Variants in C2orf69 observed in about 807,000 individuals in gnomAD.
The protein encoded by C2orf69 is chromosome 2 open reading frame 69.
Under a neutral mutation model 29.5 loss-of-function variants are expected in C2orf69, and 19 were observed. The ratio of observed to expected loss-of-function variants is 0.65; its 90% confidence interval spans 0.45 to 0.95. The LOEUF (loss-of-function observed/expected upper bound fraction) is 0.95. Among genes scored for constraint, C2orf69 ranks in the 40% least tolerant of loss-of-function variants. C2orf69 has a pLI of 0.00. For missense variants in C2orf69, 416 were observed against 482.1 expected, an observed-to-expected ratio of 0.86 and a Z score of 1.28; for synonymous variants, 194 against 180.0, an observed-to-expected ratio of 1.08 and a Z score of -0.62.
In C2orf69 at chr2:199,911,693, C is replaced by T. The variant is rs2077261777; in HGVS notation, c.255C>T (p.Asp85=). 1 of 1,546,312 alleles carries T rather than the reference C, an allele frequency of 6.5e-7. No homozygotes were observed. The highest frequency in any genetic ancestry group is 8.7e-7 in the Non-Finnish European group (1 of 1,146,898). The part of the protein sequence containing the change: ...AAAGEGLERQ[D]LPGDPAKEEP... Reference sequence around the variant, plus strand: ...CCGGGGAGGGACTGGAGCGGCAGGACCTCCCCGGGGACCCAGCGAAGGAGG... The same window carrying T: ...CCGGGGAGGGACTGGAGCGGCAGGATCTCCCCGGGGACCCAGCGAAGGAGG... The change falls in exon 1 of 2, where the codon GAC becomes GAT. Residue 85 remains aspartate, a synonymous_variant. Coordinates refer to ENST00000319974, the MANE Select transcript of C2orf69 (RefSeq NM_153689.6).
chr2:199,913,209 T>G (rs1172103770), intron 1 of C2orf69, among the ~76,000 whole-genome samples: 1 of 88,516 alleles, frequency 1.1e-5, no homozygotes, highest in Non-Finnish European at 2.1e-5. Flanking sequence ...TAATATATAA[T>G]ATATTATATA....
intron 1 of C2orf69, among the ~76,000 whole-genome samples, chr2:199,917,977 C>T (rs2077299762): frequency 6.6e-6 from 1 of 152,116 alleles, no homozygotes; most frequent in African/African-American, 2.4e-5. Context: ...GCAAACATGC[C>T]CTTCTTCATA....
chr2:199,920,220 G>C (rs917310973), intron 1 of C2orf69, among the ~76,000 whole-genome samples: 1 of 152,148 alleles, frequency 6.6e-6, no homozygotes, highest in African/African-American at 2.4e-5. Flanking sequence ...ACCAGTTTGG[G>C]CTACCTCTTA....
chr2:199,911,311 A>C lies in C2orf69; in HGVS notation c.-128A>C. The C allele has an allele frequency of 1.7e-6, 2 of 1,183,062 alleles. No homozygotes were observed. Among genetic ancestry groups the C allele is most frequent in the African/African-American group, 1.6e-5 (1 of 61,436 alleles). 73.3% of individuals were successfully genotyped at this position (1,183,062 alleles called of 1,614,324 possible). Reference sequence around the variant, plus strand: ...CGTCGGCCTCTGACGTCGTCGCCTCAGCGCCGGCTCCCGGCCGGGCCGCGG... The same window carrying C: ...CGTCGGCCTCTGACGTCGTCGCCTCCGCGCCGGCTCCCGGCCGGGCCGCGG... On this transcript the variant is annotated 5_prime_UTR_variant, in exon 1 of 2. Coordinates refer to ENST00000319974, the MANE Select transcript of C2orf69 (RefSeq NM_153689.6).
At chr2:199,923,347 T>TTAA (rs2077324315) in intron 1 of C2orf69, among the ~76,000 whole-genome samples, 1 of 152,242 alleles carries the variant, frequency 6.6e-6, no homozygotes, top group Non-Finnish European at 1.5e-5. Flanking sequence ...TTGTGGCTAT[T>TTAA]GCCTACTTAA....
At chr2:199,913,461 A>G (rs1395779966) in intron 1 of C2orf69, among the ~76,000 whole-genome samples, 1 of 56,954 alleles carries the variant, frequency 1.8e-5, no homozygotes, top group Non-Finnish European at 3.0e-5. Context: ...ATTCTATTAT[A>G]TAAAATATAT....
intron 1 of C2orf69, among the ~76,000 whole-genome samples, chr2:199,917,538 C>T (rs941183422): frequency 3.9e-5 from 6 of 152,162 alleles, no homozygotes; most frequent in Admixed American, 6.5e-5. Flanking sequence ...AGAATGTTGC[C>T]AGTGTCTTTG....
rs2077340282 is a variant in C2orf69, at chr2:199,927,469, A to G, written c.*1583A>G. ...ATACATTCCAAATATTCAGAGATTC[A>G]TGAGAAAGGATTCTTAACAAATGTT... On this transcript the variant is annotated 3_prime_UTR_variant, in exon 2 of 2. Transcript: ENST00000319974. The G allele has an allele frequency of 6.6e-6, 1 of 151,984 alleles. No homozygotes were observed. The highest frequency in any genetic ancestry group is 2.4e-5 in the African/African-American group (1 of 41,434). The allele number at this position is 151,984 out of a possible 1,614,324, so 9.4% of individuals were successfully genotyped here. A position where few individuals can be genotyped will look rare whatever the true frequency, so the allele number is the denominator to read the frequency against.
intron 1 of C2orf69, among the ~76,000 whole-genome samples, chr2:199,920,002 T>C (rs1264276643): frequency 6.6e-6 from 1 of 152,190 alleles, no homozygotes; most frequent in Admixed American, 6.5e-5. Flanking sequence ...ACTGGAGTAG[T>C]AGGCATTCTT....
rs57970244 is a variant in C2orf69, at chr2:199,927,308, TAAAAAAAA to T, written c.*1435_*1442del. 6.1e-5 allele frequency: 7 copies of T among 115,504 alleles called. No individual in the cohort carries two copies. Among genetic ancestry groups the T allele is most frequent in the Non-Finnish European group, 8.9e-5 (5 of 55,944 alleles). 7.2% of individuals were successfully genotyped at this position (115,504 alleles called of 1,614,324 possible). A position where few individuals can be genotyped will look rare whatever the true frequency, so the allele number is the denominator to read the frequency against. On this transcript the variant is annotated 3_prime_UTR_variant, in exon 2 of 2. Coordinates refer to ENST00000319974, the MANE Select transcript of C2orf69 (RefSeq NM_153689.6). ...GGGAAGTAACATGCTGCTTTAGGAC[TAAAAAAAA>T]AAAAAAAAAAAAGACACTGAAGCTT...
intron 1 of C2orf69, among the ~76,000 whole-genome samples, chr2:199,913,250 T>TTA (rs1553564839): frequency 5.9e-5 from 5 of 84,782 alleles, no homozygotes; most frequent in Non-Finnish European, 1.0e-4. Context: ...ATAATATATA[T>TTA]TATATAAAAT....
intron 1 of C2orf69, among the ~76,000 whole-genome samples, chr2:199,919,322 AG>A (rs745485404): frequency 3.3e-4 from 50 of 152,206 alleles, no homozygotes. Context: ...TTATCCATTC[AG>A]CAGTTCATAA....
chr2:199,921,833 T>C (rs903417626), intron 1 of C2orf69, among the ~76,000 whole-genome samples: 3 of 151,810 alleles, frequency 2.0e-5, no homozygotes, highest in African/African-American at 7.3e-5. Flanking sequence ...TAATTGGTTA[T>C]ATGGATGATT....
chr2:199,919,145 G>A (rs1169283159), intron 1 of C2orf69, among the ~76,000 whole-genome samples: 1 of 152,130 alleles, frequency 6.6e-6, no homozygotes, highest in African/African-American at 2.4e-5. Context: ...GTAGAAACGA[G>A]GGTCTCATTA....
At position 199,911,771 on chromosome 2, in the gene C2orf69, G is replaced by C; in HGVS notation, c.333G>C (p.Gln111His). ...HHVLYFPGDV[Q>H]NYHEIMTRHP... Reference sequence around the variant, plus strand: ...TCCTCTATTTCCCTGGGGATGTGCAGGTAACTCGGGGCCTGCCTGGGTATC... The same window carrying C: ...TCCTCTATTTCCCTGGGGATGTGCACGTAACTCGGGGCCTGCCTGGGTATC... The change falls in exon 1 of 2, where the codon CAG (glutamine) becomes CAC (histidine). Residue 111 changes from glutamine to histidine, a missense_variant and splice_region_variant. Physicochemically the swap from Gln to His is conservative, Grantham distance 24 (BLOSUM62 0). Coordinates refer to ENST00000319974, the MANE Select transcript of C2orf69 (RefSeq NM_153689.6). 1 of 1,538,210 alleles carries C rather than the reference G, an allele frequency of 6.5e-7. No individual in the cohort carries two copies. The highest frequency in any genetic ancestry group is 1.2e-5 in the South Asian group (1 of 84,050).
intron 1 of C2orf69, among the ~76,000 whole-genome samples, chr2:199,924,277 T>C (rs2077327913): frequency 1.3e-5 from 2 of 152,112 alleles, no homozygotes; most frequent in African/African-American, 4.8e-5. Flanking sequence ...AGTGATGATA[T>C]GCACCTGTGG....
Position 199,925,559 on chromosome 2 carries a change from G to T in C2orf69, c.831G>T (p.Leu277Phe). Residue 277 changes from leucine (L) to phenylalanine (F), a missense_variant, in exon 2 of 2, where the codon TTG (leucine) becomes TTT (phenylalanine). By Grantham distance (22) the Leu-to-Phe change is conservative. Coordinates refer to ENST00000319974, the MANE Select transcript of C2orf69 (RefSeq NM_153689.6). This position sits in a 1 kb window ranked among gnomAD's most constrained non-coding sequence, Gnocchi z 4.9. ...CVVLNQLLFE[L>F]KEAKKDKNID... ...TTTTGAATCAGTTGCTTTTTGAATTGAAAGAAGCCAAGAAAGACAAGAACA... is the reference window on the plus strand; with the variant it reads ...TTTTGAATCAGTTGCTTTTTGAATTTAAAGAAGCCAAGAAAGACAAGAACA... The T allele has an allele frequency of 6.2e-7, 1 of 1,613,850 alleles. No individual in the cohort carries two copies. Among genetic ancestry groups the T allele is most frequent in the South Asian group, 1.1e-5 (1 of 91,060 alleles).
intron 1 of C2orf69, among the ~76,000 whole-genome samples, chr2:199,920,723 G>A (rs562546563): frequency 1.8e-4 from 27 of 152,028 alleles, no homozygotes; most frequent in South Asian, 1.2e-3. Context: ...TTGGGAGACC[G>A]AAGCGGGTGG....
At chr2:199,923,032 G>C (rs1277508855) in intron 1 of C2orf69, among the ~76,000 whole-genome samples, 3 of 152,186 alleles carry the variant, frequency 2.0e-5, no homozygotes, top group African/African-American at 4.8e-5. Flanking sequence ...CCTCATTGCT[G>C]TGTCTGGGTT....
Sources: gnomAD v4.1 joint callset for allele counts (sites outside exome capture counted in the v4.1 genomes callset) on GRCh38, gnomAD v4.1.1 for gene constraint, Gnocchi (gnomAD v3.1) non-coding constraint, MANE v1.5 for transcripts, NCBI Gene and HGNC (gene_info 2026-07-23, HGNC 2026-07-21) for gene names.